PLPPR4: variants seen among roughly 807,000 people sequenced by gnomAD.
PLPPR4 encodes the protein phospholipid phosphatase-related protein type 4.
PLPPR4 carries 24 observed loss-of-function variants against 56.6 expected under a neutral mutation model. The observed-to-expected ratio is 0.42, with a 90% CI of 0.31 to 0.60. The LOEUF is 0.60. Among genes scored for constraint, PLPPR4 ranks in the 20% least tolerant of loss-of-function variants. The probability of loss-of-function intolerance (pLI) is 0.13; values close to 1 mark genes in which losing one functional copy is unlikely to be tolerated. For synonymous variants in PLPPR4, 326 were observed against 328.1 expected (o/e 0.99, Z 0.07); for missense variants, 654 against 885.8 (o/e 0.74, Z 3.32).
chr1:99,285,822 C>A (rs1659449431), intron 1 of PLPPR4, among the ~76,000 whole-genome samples: 1 of 152,108 alleles, frequency 6.6e-6, no homozygotes, highest in South Asian at 2.1e-4. Flanking sequence ...TCCAAAGGAA[C>A]AAAGCCTTAA....
chr1:99,292,738 C>T (rs143638148), intron 2 of PLPPR4, among the ~76,000 whole-genome samples: 2 of 151,828 alleles, frequency 1.3e-5, no homozygotes, highest in African/African-American at 4.8e-5. Context: ...TCACAGCTTT[C>T]TCTCCAAACA....
At chr1:99,264,273 G>A (rs1487797746), upstream of PLPPR4, 5 of 595,310 alleles carry the variant, frequency 8.4e-6, no homozygotes, top group Non-Finnish European at 5.8e-6. Context: ...AGAGAGCTGA[G>A]GGAGGGTGAC....
chr1:99,298,897 T>G (rs1659811740), intron 3 of PLPPR4, 138 bp from the exon 4 acceptor site: 1 of 736,104 alleles, frequency 1.4e-6, no homozygotes, highest in South Asian at 1.5e-5. Flanking sequence ...AGGAATTTTC[T>G]ATACTGTCTT....
At chr1:99,279,710 G>A (rs915374644) in intron 1 of PLPPR4, among the ~76,000 whole-genome samples, 1 of 152,170 alleles carries the variant, frequency 6.6e-6, no homozygotes, top group Non-Finnish European at 1.5e-5. Flanking sequence ...AGGATACACG[G>A]CGGTGCATGC....
intron 1 of PLPPR4, among the ~76,000 whole-genome samples, chr1:99,274,371 G>C (rs1180978253): frequency 1.3e-5 from 2 of 151,900 alleles, no homozygotes; most frequent in Non-Finnish European, 1.5e-5. Context: ...GCAAAGACAG[G>C]CCTAGTAAAT....
intron 1 of PLPPR4, among the ~76,000 whole-genome samples, chr1:99,269,212 G>A (rs1332687969): frequency 2.0e-5 from 3 of 152,190 alleles, no homozygotes; most frequent in South Asian, 4.1e-4. Flanking sequence ...TGCTGAGAAT[G>A]ATGGTTTCCA....
chr1:99,297,547 C>G (rs1055121857), intron 3 of PLPPR4, among the ~76,000 whole-genome samples: 5 of 152,072 alleles, frequency 3.3e-5, no homozygotes, highest in Non-Finnish European at 7.4e-5. Flanking sequence ...TCACACTAAC[C>G]TGAATGTTTT....
chr1:99,306,266 G>A lies in PLPPR4; in HGVS notation c.1404G>A (p.Met468Ile). The stretch of plus-strand genomic sequence containing the variant: ...CTGTCCCCGGATGTAACAACAGCAT[G>A]CCTGGAGGGCCAAGAGTGTCCATTC... ...PGAVPGCNNS[M>I]PGGPRVSIQS... is the part of the protein sequence containing the mutation. Residue 468 changes from methionine to isoleucine, a missense_variant, in exon 7 of 7, where the codon ATG becomes ATA. This residue lies in a region of PLPPR4 where 468 missense variants were observed against 554.3 expected (regional missense o/e 0.84). Transcript: ENST00000370185. This position sits in a 1 kb window ranked among gnomAD's most constrained non-coding sequence, Gnocchi z 4.0. 4.3e-6 allele frequency: 7 copies of A among 1,614,178 alleles called. No individual in the cohort carries two copies. The highest frequency in any genetic ancestry group is 5.9e-6 in the Non-Finnish European group (7 of 1,180,026).
intron 2 of PLPPR4, 74 bp downstream of exon 2, chr1:99,288,224 G>T: frequency 7.4e-7 from 1 of 1,344,318 alleles, no homozygotes; most frequent in East Asian, 2.4e-5. Flanking sequence ...TAATAAATGG[G>T]TTCAAAGCAA....
intron 1 of PLPPR4, among the ~76,000 whole-genome samples, chr1:99,279,867 T>A: frequency 6.6e-6 from 1 of 152,266 alleles, no homozygotes; most frequent in Admixed American, 6.5e-5. Flanking sequence ...TAGGATGAAA[T>A]GTCTAAATAA....
At chr1:99,278,477 T>C (rs1487128340) in intron 1 of PLPPR4, among the ~76,000 whole-genome samples, 1 of 152,144 alleles carries the variant, frequency 6.6e-6, no homozygotes, top group Non-Finnish European at 1.5e-5. Flanking sequence ...GTCAGCTGTA[T>C]GTTGTAAGGG....
upstream of PLPPR4, chr1:99,264,375 G>C (rs923147948): frequency 8.0e-7 from 1 of 1,245,784 alleles, no homozygotes; most frequent in African/African-American, 1.5e-5. Context: ...CAGACTAGGG[G>C]AGGAAGAGGA....
chr1:99,273,164 A>C (rs757785265), intron 1 of PLPPR4, among the ~76,000 whole-genome samples: 3 of 152,098 alleles, frequency 2.0e-5, no homozygotes, highest in Non-Finnish European at 4.4e-5. Context: ...TGTTTTTCTT[A>C]CCAATAATTA....
upstream of PLPPR4, among the ~76,000 whole-genome samples, chr1:99,263,290 A>T (rs1658807868): frequency 6.6e-6 from 1 of 152,136 alleles, no homozygotes; most frequent in Non-Finnish European, 1.5e-5. Flanking sequence ...TCAGGTGAGT[A>T]TGGCAAATTG....
chr1:99,294,682 C>T (rs375876662), intron 2 of PLPPR4, among the ~76,000 whole-genome samples: 36 of 134,562 alleles, frequency 2.7e-4, no homozygotes, highest in African/African-American at 9.8e-4. Context: ...GCCTGCAGAG[C>T]AAGACTCAGT....
chr1:99,284,529 C>T (rs746262062), intron 1 of PLPPR4, among the ~76,000 whole-genome samples: 33 of 151,692 alleles, frequency 2.2e-4, no homozygotes, highest in Admixed American at 7.9e-4. Context: ...CCTTGTGATC[C>T]GCCTCTCTCC....
chr1:99,306,672 C>T lies in PLPPR4; in HGVS notation c.1810C>T (p.Pro604Ser). The change falls in exon 7 of 7, where the codon CCT becomes TCT. Residue 604 changes from proline (P) to serine (S), a missense_variant. Physicochemically the swap from Pro to Ser is moderately conservative, Grantham distance 74. Coordinates refer to ENST00000370185, the MANE Select transcript of PLPPR4 (RefSeq NM_014839.5). The surrounding 1 kb of genome is among the most constrained non-coding windows in gnomAD (Gnocchi z 4.0). The stretch of plus-strand genomic sequence containing the variant: ...CAGTGGCTCCTGGAAGTGGAAAGCC[C>T]CTGAAAAGGGCAGCCTTCGCCAAAC... ...EGSGSWKWKA[P>S]EKGSLRQTYE... is the part of the protein sequence containing the mutation. 1.2e-6 allele frequency: 2 copies of T among 1,614,066 alleles called. No homozygotes were observed. Among genetic ancestry groups the T allele is most frequent in the South Asian group, 2.2e-5 (2 of 91,072 alleles).
chr1:99,273,393 A>T (rs894014213), intron 1 of PLPPR4, among the ~76,000 whole-genome samples: 10 of 152,126 alleles, frequency 6.6e-5, no homozygotes, highest in African/African-American at 2.4e-4. Flanking sequence ...TACATTTAAC[A>T]GAAGAATGAT....
chr1:99,268,814 A>G (rs920162606), intron 1 of PLPPR4, among the ~76,000 whole-genome samples: 7 of 152,178 alleles, frequency 4.6e-5, no homozygotes, highest in African/African-American at 1.7e-4. Flanking sequence ...CCACTAGAGA[A>G]AAGGTTTATC....
Sources: gnomAD v4.1 joint callset for allele counts (sites outside exome capture counted in the v4.1 genomes callset) on GRCh38, gnomAD v4.1.1 for gene constraint, gnomAD v4.1.1 regional missense constraint, Gnocchi (gnomAD v3.1) non-coding constraint, MANE v1.5 for transcripts, NCBI Gene and HGNC (gene_info 2026-07-23, HGNC 2026-07-21) for gene names.